Variants in SEPTIN11 observed in about 807,000 individuals in gnomAD.
The protein encoded by SEPTIN11 is septin-11.
A neutral mutation model predicts 51.4 loss-of-function variants in SEPTIN11; 25 were observed. The ratio of observed to expected loss-of-function variants is 0.49; its 90% confidence interval spans 0.35 to 0.68. The LOEUF (loss-of-function observed/expected upper bound fraction) is 0.68. Ranked by LOEUF, SEPTIN11 falls within the 30% of genes least tolerant of loss-of-function variation. SEPTIN11 has a pLI of 0.00. For synonymous variants in SEPTIN11, 174 were observed against 184.1 expected (o/e 0.95, Z 0.44); for missense variants, 381 against 520.8 (o/e 0.73, Z 2.61).
intron 6 of SEPTIN11, 110 bp from the exon 7 acceptor site, chr4:77,020,392 A>G: frequency 7.6e-7 from 1 of 1,318,348 alleles, no homozygotes; most frequent in South Asian, 1.4e-5. Context: ...TGGTCTTGAG[A>G]CCCCAGAGAT....
Position 77,024,495 on chromosome 4 carries a change from C to G in SEPTIN11, c.953+3825C>G, listed in dbSNP as rs923146587. 2.0e-5 allele frequency among the ~76,000 whole-genome samples: 3 copies of G among 152,144 alleles called. No individual in the cohort carries two copies. Among genetic ancestry groups the G allele is most frequent in the Non-Finnish European group, 4.4e-5 (3 of 68,024 alleles). On this transcript the variant is annotated intron_variant, in intron 7 of 9. Coordinates refer to ENST00000264893, the MANE Select transcript of SEPTIN11 (RefSeq NM_018243.4). The surrounding 1 kb of genome is among the most constrained non-coding windows in gnomAD (Gnocchi z 4.2). Reference sequence around the variant, plus strand: ...GTAGAAGAGGAGACGTCACGTGTCTCCCATGAGCCACTCCCTGCTTCCTTT... The same window carrying G: ...GTAGAAGAGGAGACGTCACGTGTCTGCCATGAGCCACTCCCTGCTTCCTTT...
intron 7 of SEPTIN11, among the ~76,000 whole-genome samples, chr4:77,025,001 C>G (rs755929046): frequency 6.6e-6 from 1 of 152,158 alleles, no homozygotes; most frequent in Non-Finnish European, 1.5e-5. Context: ...GAGAGAGAAT[C>G]GTGCTGTGTG....
Position 77,019,181 on chromosome 4 carries a change from C to T in SEPTIN11, c.704C>T (p.Ala235Val), listed in dbSNP as rs1326993926. ...GCTTGGCAGGTCCATCTCCCATTTG[C>T]AGTGGTTGGCAGCACCGAAGAGGTG... The part of the protein sequence containing the change: ...NATMSVHLPF[A>V]VVGSTEEVKI... Residue 235 changes from alanine (A) to valine (V), a missense_variant, in exon 6 of 10, where the codon GCA becomes GTA. Ala to Val is a moderately conservative substitution (Grantham distance 64). Around this residue, in one of 2 missense-constraint regions of SEPTIN11, gnomAD observed 197 missense variants for 313.1 expected, o/e 0.63. Transcript: ENST00000264893. 8 of 1,613,252 alleles carry T rather than the reference C, an allele frequency of 5.0e-6. No homozygotes were observed. Among genetic ancestry groups the T allele is most frequent in the Non-Finnish European group, 6.8e-6 (8 of 1,179,694 alleles).
chr4:76,961,653 A>G (rs1721828770), intron 1 of SEPTIN11, among the ~76,000 whole-genome samples: 1 of 152,244 alleles, frequency 6.6e-6, no homozygotes. Flanking sequence ...AGCCTGTTTT[A>G]TAATAAAGTG....
intron 1 of SEPTIN11, among the ~76,000 whole-genome samples, chr4:76,954,201 A>T (rs1364647862): frequency 1.3e-5 from 2 of 152,210 alleles, no homozygotes; most frequent in East Asian, 1.9e-4. Flanking sequence ...CACACTGATC[A>T]TGATCATCGG....
chr4:76,992,748 A>G (rs1723450566), intron 1 of SEPTIN11, among the ~76,000 whole-genome samples: 3 of 152,240 alleles, frequency 2.0e-5, no homozygotes, highest in Admixed American at 6.5e-5. Context: ...ATTTCATAAT[A>G]AAGACAATGA....
At chr4:76,970,675 C>G (rs1218988992) in intron 1 of SEPTIN11, among the ~76,000 whole-genome samples, 1 of 152,208 alleles carries the variant, frequency 6.6e-6, no homozygotes, top group Non-Finnish European at 1.5e-5. Context: ...CTGGATTGCT[C>G]AGACCATACT....
In SEPTIN11 at chr4:77,013,172, T is replaced by G. The variant is rs1185724529; in HGVS notation, c.525+1251T>G. On this transcript the variant is annotated intron_variant, in intron 4 of 9. Transcript: ENST00000264893. ...CGGATAATATCCAACACTATTATTA[T>G]GTTTAATAGAGTTCATTGAAAACGG... Among the ~76,000 whole-genome samples the G allele has an allele frequency of 2.6e-5, 4 of 152,192 alleles. No homozygotes were observed. In the East Asian group the frequency reaches 5.8e-4, roughly 22 times the overall value.
intron 2 of SEPTIN11, among the ~76,000 whole-genome samples, chr4:76,997,754 C>T (rs1402368688): frequency 6.6e-6 from 1 of 152,224 alleles, no homozygotes; most frequent in Non-Finnish European, 1.5e-5. Flanking sequence ...TCCTTTCTCT[C>T]ATGATAAATG....
intron 1 of SEPTIN11, among the ~76,000 whole-genome samples, chr4:76,968,777 A>G (rs182235565): frequency 6.6e-5 from 10 of 152,320 alleles, no homozygotes; most frequent in Admixed American, 6.5e-4. Flanking sequence ...ACCACATGAA[A>G]GTTGATATCC....
rs532791773 is a variant in SEPTIN11 at position 77,019,636 on chromosome 4, A to C, written c.784+375A>C. 1.7e-4 allele frequency among the ~76,000 whole-genome samples: 26 copies of C among 152,322 alleles called. No homozygotes were observed. The East Asian group carries it at 4.4e-3, about 26-fold the overall frequency. ...CAAGAGGGTACTTTTTTCTCCATCAACTATGCAAAAAATGTCTTCTAATAA... is the reference window on the plus strand; with the variant it reads ...CAAGAGGGTACTTTTTTCTCCATCACCTATGCAAAAAATGTCTTCTAATAA... On this transcript the variant is annotated intron_variant, in intron 6 of 9. Coordinates refer to ENST00000264893, the MANE Select transcript of SEPTIN11 (RefSeq NM_018243.4).
intron 1 of SEPTIN11, among the ~76,000 whole-genome samples, chr4:76,983,200 C>T (rs1394722964): frequency 6.6e-6 from 1 of 152,176 alleles, no homozygotes; most frequent in Non-Finnish European, 1.5e-5. Flanking sequence ...GACCTTACCT[C>T]ATTAAGCAGT....
chr4:76,959,268 TA>T lies in SEPTIN11; in HGVS notation c.27+9343del, dbSNP rs369127502. 7.4e-3 allele frequency: 890 copies of T among 120,628 alleles called. 8 individuals carry two copies. Among genetic ancestry groups the T allele is most frequent in the Middle Eastern group, 0.012 (3 of 244 alleles). 7.5% of individuals were successfully genotyped at this position (120,628 alleles called of 1,614,324 possible). ...ACAAGACAAGGTTTTTTTTTTTTTTTAAAAATAATAATAATTATTATTTTTA... is the reference window on the plus strand; with the variant it reads ...ACAAGACAAGGTTTTTTTTTTTTTTTAAAATAATAATAATTATTATTTTTA... On this transcript the variant is annotated intron_variant, in intron 1 of 9. Coordinates refer to ENST00000264893, the MANE Select transcript of SEPTIN11 (RefSeq NM_018243.4).
chr4:76,973,326 TTCAG>T (rs1232578376), intron 1 of SEPTIN11, among the ~76,000 whole-genome samples: 1 of 152,200 alleles, frequency 6.6e-6, no homozygotes, highest in Non-Finnish European at 1.5e-5. Context: ...ACAGCATCCC[TTCAG>T]TCAGTCAGGT....
rs569707368 is a variant in SEPTIN11 at position 76,991,311 on chromosome 4, TAG to T, written c.28-5110_28-5109del. 4.1e-4 allele frequency among the ~76,000 whole-genome samples: 62 copies of T among 152,328 alleles called. 2 individuals carry two copies. In the South Asian group the frequency reaches 0.013, roughly 31 times the overall value. ...CTTCCTGTTTTTACTGAGGGCAGAA[TAG>T]AGACTAAAGCAAGTAGAAAGCAAAG... On this transcript the variant is annotated intron_variant, in intron 1 of 9. Transcript: ENST00000264893.
Position 77,037,700 on chromosome 4 carries a change from C to A in SEPTIN11, c.*3188C>A, listed in dbSNP as rs1040962592. 6.1e-6 allele frequency: 6 copies of A among 985,636 alleles called. No individual in the cohort carries two copies. The highest frequency in any genetic ancestry group is 7.2e-6 in the Non-Finnish European group (6 of 829,890). The allele number at this position is 985,636 out of a possible 1,614,324, so 61.1% of individuals were successfully genotyped here. ...TTTTTGCTTCTTCTGAACTTTAGAT[C>A]TCCATAACACATGTACTGTAGAATG... On this transcript the variant is annotated 3_prime_UTR_variant, in exon 10 of 10. Coordinates refer to ENST00000264893, the MANE Select transcript of SEPTIN11 (RefSeq NM_018243.4).
chr4:76,976,077 TGTGA>T (rs1391183766), intron 1 of SEPTIN11, among the ~76,000 whole-genome samples: 5 of 152,198 alleles, frequency 3.3e-5, no homozygotes, highest in African/African-American at 1.2e-4. Context: ...GTGTTGGGTA[TGTGA>T]GTGTTTGTTC....
intron 1 of SEPTIN11, among the ~76,000 whole-genome samples, chr4:76,990,900 C>G (rs1234698346): frequency 1.3e-5 from 2 of 152,216 alleles, no homozygotes; most frequent in Admixed American, 6.5e-5. Context: ...ACTGCTGATT[C>G]TGCAAACAGG....
chr4:77,016,633 CATATATATATATATATATATAT>C (rs1234653472), intron 5 of SEPTIN11, among the ~76,000 whole-genome samples: 2 of 72,744 alleles, frequency 2.7e-5, no homozygotes, highest in African/African-American at 1.1e-4. Flanking sequence ...TATATATACA[CATATATATATATATATATATAT>C]ACACATATAT....
Sources: gnomAD v4.1 joint callset for allele counts (sites outside exome capture counted in the v4.1 genomes callset) on GRCh38, gnomAD v4.1.1 for gene constraint, gnomAD v4.1.1 regional missense constraint, Gnocchi (gnomAD v3.1) non-coding constraint, MANE v1.5 for transcripts, NCBI Gene and HGNC (gene_info 2026-07-23, HGNC 2026-07-21) for gene names.